The following MTOR variants were observed in gnomAD, a reference collection of about 807,000 sequenced individuals.
MTOR encodes serine/threonine-protein kinase mTOR.
A neutral mutation model predicts 319.8 loss-of-function variants in MTOR; 70 were observed. That is an observed-to-expected ratio of 0.22 (90% CI 0.18 to 0.27). The LOEUF (loss-of-function observed/expected upper bound fraction) is 0.27, where lower values mean the gene tolerates loss of function less well. Among genes scored for constraint, MTOR ranks in the 10% least tolerant of loss-of-function variants. MTOR has a pLI of 1.00. For missense variants in MTOR, 1,890 were observed against 3,274.4 expected, an observed-to-expected ratio of 0.58 and a Z score of 10.32; for synonymous variants, 1,183 against 1,211.4, an observed-to-expected ratio of 0.98 and a Z score of 0.49.
intron 20 of MTOR, among the ~76,000 whole-genome samples, chr1:11,214,014 A>G (rs965609910): frequency 2.6e-5 from 4 of 152,196 alleles, no homozygotes; most frequent in African/African-American, 9.7e-5. Context: ...TAGGCTACTT[A>G]GGGACAAGTA....
intron 15 of MTOR, 119 bp downstream of exon 15, chr1:11,233,279 G>T: frequency 1.1e-6 from 1 of 929,042 alleles, no homozygotes; most frequent in Non-Finnish European, 1.7e-6. Flanking sequence ...TGTTGGCTGG[G>T]TTCCGCAATA....
rs575464028 is a variant in MTOR at position 11,160,473 on chromosome 1, GA to G, written c.4330-3183del. 3.5e-3 allele frequency among the ~76,000 whole-genome samples: 528 copies of G among 152,260 alleles called. 1 individual carries two copies. Among genetic ancestry groups the G allele is most frequent in the Non-Finnish European group, 5.8e-3 (392 of 68,014 alleles). ...TCTAATGAGGATTAACTGTGGCCTAGACACAATGCAAGCTCCCACAAAGATA... is the reference window on the plus strand; with the variant it reads ...TCTAATGAGGATTAACTGTGGCCTAGCACAATGCAAGCTCCCACAAAGATA... On this transcript the variant is annotated intron_variant, in intron 29 of 57. Transcript: ENST00000361445.
intron 13 of MTOR, 113 bp downstream of exon 13, chr1:11,237,730 A>C: frequency 1.7e-5 from 19 of 1,125,504 alleles, no homozygotes; most frequent in South Asian, 2.8e-5. Context: ...GGCTTTTACC[A>C]GGTACCTCAA....
At chr1:11,158,947 C>A (rs997588708) in intron 29 of MTOR, among the ~76,000 whole-genome samples, 2 of 152,190 alleles carry the variant, frequency 1.3e-5, no homozygotes, top group Admixed American at 6.5e-5. Flanking sequence ...CAAGAAAAAG[C>A]AAACCATTGT....
intron 6 of MTOR, among the ~76,000 whole-genome samples, chr1:11,248,314 C>T (rs1649117328): frequency 6.6e-6 from 1 of 152,200 alleles, no homozygotes; most frequent in Non-Finnish European, 1.5e-5. Context: ...ACCTATTGAA[C>T]AATAAAGCAG....
chr1:11,185,489 C>T (rs1352951542), intron 28 of MTOR, among the ~76,000 whole-genome samples: 4 of 151,872 alleles, frequency 2.6e-5, no homozygotes, highest in Non-Finnish European at 5.9e-5. Flanking sequence ...ACCTGCAGTC[C>T]TAGCTACTCG....
Position 11,199,484 on chromosome 1 carries a change from C to T in MTOR, c.4107+57G>A, listed in dbSNP as rs1386705656. ...GAGAAGGCTGTGTGGATGCTTCTCT[C>T]CTCCCACCAGCTGGTTCCCTGTCAG... On this transcript the variant is annotated intron_variant, in intron 27 of 57. Transcript: ENST00000361445. The surrounding 1 kb of genome is among the most constrained non-coding windows in gnomAD (Gnocchi z 4.5). The T allele has an allele frequency of 5.0e-6, 8 of 1,613,380 alleles. No homozygotes were observed. Among genetic ancestry groups the T allele is most frequent in the African/African-American group, 1.3e-5 (1 of 74,914 alleles).
chr1:11,136,618 G>T (rs1643430173), intron 36 of MTOR, among the ~76,000 whole-genome samples: 2 of 151,966 alleles, frequency 1.3e-5, no homozygotes, highest in African/African-American at 4.8e-5. Flanking sequence ...TCCTACCTCA[G>T]CCTCCCAGTA....
rs763298336 is a variant in MTOR at position 11,134,449 on chromosome 1, G to T, written c.5148C>A (p.His1716Gln). 6.2e-7 allele frequency: 1 copy of T among 1,614,202 alleles called. No individual in the cohort carries two copies. Among genetic ancestry groups the T allele is most frequent in the Non-Finnish European group, 8.5e-7 (1 of 1,180,032 alleles). ...KSARKIDAFQHMQHFVQTMQQ... is the reference protein window; with the variant it reads ...KSARKIDAFQQMQHFVQTMQQ... ...GCATGGTCTGGACAAAATGCTGCATGTGCTGGAAGGCATCGATCTGTAACA... is the reference window on the plus strand; with the variant it reads ...GCATGGTCTGGACAAAATGCTGCATTTGCTGGAAGGCATCGATCTGTAACA... Residue 1716 changes from histidine to glutamine, a missense_variant, in exon 37 of 58, where the codon CAC (histidine) becomes CAA (glutamine). Transcript: ENST00000361445.
intron 24 of MTOR, among the ~76,000 whole-genome samples, chr1:11,210,032 T>C (rs1646260262): frequency 6.6e-6 from 1 of 152,156 alleles, no homozygotes; most frequent in Non-Finnish European, 1.5e-5. Context: ...CATGCCCGGC[T>C]AATTTTTGTA....
chr1:11,119,749 A>G (rs936090319), intron 49 of MTOR, among the ~76,000 whole-genome samples: 1 of 151,402 alleles, frequency 6.6e-6, no homozygotes, highest in Non-Finnish European at 1.5e-5. Flanking sequence ...TTGTCTCAAA[A>G]AAAAAAAACA....
intron 29 of MTOR, among the ~76,000 whole-genome samples, chr1:11,161,807 A>G (rs1458884310): frequency 6.6e-6 from 1 of 152,212 alleles, no homozygotes; most frequent in Non-Finnish European, 1.5e-5. Context: ...CAAAGACCAA[A>G]GGCAGATAAA....
At chr1:11,152,511 G>A (rs1300327134) in intron 30 of MTOR, 1 of 152,156 alleles carries the variant, frequency 6.6e-6, no homozygotes, top group Non-Finnish European at 1.5e-5. Context: ...TCACTCCCGA[G>A]GAATCTGTTC....
chr1:11,217,317 G>T (rs1272480726), intron 19 of MTOR, among the ~76,000 whole-genome samples: 1 of 151,924 alleles, frequency 6.6e-6, no homozygotes, highest in African/African-American at 2.4e-5. Flanking sequence ...CAAGATGTAG[G>T]TTTTATTTTG....
rs150653142 is a variant in MTOR at position 11,220,299 on chromosome 1, G to A, written c.3031-4065C>T. Among the ~76,000 whole-genome samples, 20 of 152,154 alleles carry A rather than the reference G, an allele frequency of 1.3e-4. No individual in the cohort carries two copies. In the East Asian group the frequency reaches 3.7e-3, roughly 28 times the overall value. Reference sequence around the variant, plus strand: ...TAAAAGGGATTCACGATTTCTCAACGGCAACAAAAAGAAGTCAGAAAGTGG... The same window carrying A: ...TAAAAGGGATTCACGATTTCTCAACAGCAACAAAAAGAAGTCAGAAAGTGG... On this transcript the variant is annotated intron_variant, in intron 19 of 57. Coordinates refer to ENST00000361445, the MANE Select transcript of MTOR (RefSeq NM_004958.4).
At chr1:11,120,990 T>C (rs1642496529) in intron 49 of MTOR, among the ~76,000 whole-genome samples, 1 of 152,180 alleles carries the variant, frequency 6.6e-6, no homozygotes, top group Non-Finnish European at 1.5e-5. Flanking sequence ...AGGAAATTTG[T>C]AACATATATA....
Position 11,209,395 on chromosome 1 carries a change from C to T in MTOR, c.3718G>A (p.Gly1240Ser), listed in dbSNP as rs2100782122. The T allele has an allele frequency of 1.2e-6, 2 of 1,614,136 alleles. No individual in the cohort carries two copies. Among genetic ancestry groups the T allele is most frequent in the Non-Finnish European group, 8.5e-7 (1 of 1,179,984 alleles). ...LIYQHRMLRS[G>S]QGDALASGPV... Reference sequence around the variant, plus strand: ...CCACTAGCCAATGCATCCCCTTGGCCACTCCTAAGCATCCGATGCTGGTAA... The same window carrying T: ...CCACTAGCCAATGCATCCCCTTGGCTACTCCTAAGCATCCGATGCTGGTAA... Residue 1240 changes from glycine (G) to serine (S), a missense_variant, in exon 25 of 58, where the codon GGC becomes AGC. Physicochemically the swap from Gly to Ser is moderately conservative, Grantham distance 56. Coordinates refer to ENST00000361445, the MANE Select transcript of MTOR (RefSeq NM_004958.4).
Position 11,245,565 on chromosome 1 carries a change from A to G in MTOR, c.1225+2060T>C, listed in dbSNP as rs568232025. ...TAGAGTGGGTCAACAAGAAAAACTA[A>G]GGGGATAGCATTTCGGCAGGAAACG... On this transcript the variant is annotated intron_variant, in intron 8 of 57. Coordinates refer to ENST00000361445, the MANE Select transcript of MTOR (RefSeq NM_004958.4). 4.6e-5 allele frequency among the ~76,000 whole-genome samples: 7 copies of G among 152,264 alleles called. No homozygotes were observed. In the South Asian group the frequency reaches 1.0e-3, roughly 23 times the overall value.
At position 11,122,631 on chromosome 1, in the gene MTOR, C is replaced by G. The variant is rs377502080; in HGVS notation, c.6663-505G>C. Among the ~76,000 whole-genome samples, 283 of 151,980 alleles carry G rather than the reference C, an allele frequency of 1.9e-3. 3 individuals are homozygous for G. Among genetic ancestry groups the G allele is most frequent in the African/African-American group, 6.6e-3 (273 of 41,406 alleles). ...CACGCGATTCTCCTGCGTCAGCCTC[C>G]CGAGTAGCTGGGATTACAGATGCAC... On this transcript the variant is annotated intron_variant, in intron 47 of 57. Transcript: ENST00000361445.
Sources: gnomAD v4.1 joint callset for allele counts (sites outside exome capture counted in the v4.1 genomes callset) on GRCh38, gnomAD v4.1.1 for gene constraint, Gnocchi (gnomAD v3.1) non-coding constraint, MANE v1.5 for transcripts, NCBI Gene and HGNC (gene_info 2026-07-23, HGNC 2026-07-21) for gene names.